Variants in LIPH observed in about 807,000 individuals in gnomAD.
LIPH encodes the protein lipase member H.
Under a neutral mutation model 47.6 loss-of-function variants are expected in LIPH, and 32 were observed. That is an observed-to-expected ratio of 0.67 (90% CI 0.51 to 0.90). The LOEUF (loss-of-function observed/expected upper bound fraction) is 0.90. LIPH is among the 40% of genes least tolerant of loss of function. LIPH has a pLI of 0.00. For synonymous variants in LIPH, 190 were observed against 195.6 expected, an observed-to-expected ratio of 0.97 and a Z score of 0.24; for missense variants, 497 against 541.4, an observed-to-expected ratio of 0.92 and a Z score of 0.81.
At chr3:185,533,817 T>C (rs1720415739) in intron 2 of LIPH, 138 bp from the exon 3 acceptor site, 1 of 646,944 alleles carries the variant, frequency 1.5e-6, no homozygotes, top group Non-Finnish European at 2.8e-6. Context: ...AGTCACAACA[T>C]CCATGCAAAG....
In LIPH at chr3:185,541,390, CTTTCT is replaced by C. The variant is rs1309451946; in HGVS notation, c.50-6263_50-6259del. On this transcript the variant is annotated intron_variant, in intron 1 of 9. Coordinates refer to ENST00000296252, the MANE Select transcript of LIPH (RefSeq NM_139248.3). The stretch of plus-strand genomic sequence containing the variant: ...CGATTCTCATTATTTCTGGATCTTT[CTTTCT>C]TTTTTTTTTTTTTTTTGATTGTTTG... Among the ~76,000 whole-genome samples the C allele has an allele frequency of 9.6e-5, 12 of 125,180 alleles. No individual in the cohort carries two copies. The East Asian group carries it at 1.6e-3, about 17-fold the overall frequency. 82.1% of individuals were successfully genotyped at this position (125,180 alleles called of 152,430 possible).
chr3:185,533,275 C>T (rs772984767), intron 3 of LIPH, among the ~76,000 whole-genome samples: 4 of 152,194 alleles, frequency 2.6e-5, no homozygotes, highest in South Asian at 2.1e-4. Context: ...TAACTGTTTG[C>T]GGCACACAGA....
chr3:185,544,768 T>A (rs1303893742), intron 1 of LIPH, among the ~76,000 whole-genome samples: 1 of 152,198 alleles, frequency 6.6e-6, no homozygotes, highest in African/African-American at 2.4e-5. Context: ...ATAATTCATC[T>A]GTTCCACCCG....
intron 4 of LIPH, among the ~76,000 whole-genome samples, chr3:185,524,948 A>G (rs1220111854): frequency 3.3e-5 from 5 of 152,198 alleles, no homozygotes; most frequent in Non-Finnish European, 7.3e-5. Flanking sequence ...AAATGTATAT[A>G]TAGGTCGGGT....
intron 1 of LIPH, among the ~76,000 whole-genome samples, chr3:185,547,812 C>G (rs965216169): frequency 1.5e-5 from 2 of 135,966 alleles, no homozygotes; most frequent in Non-Finnish European, 3.1e-5. Context: ...GCAACAAGAG[C>G]AAAACTCCAT....
chr3:185,522,756 C>T (rs1172305280), intron 5 of LIPH, among the ~76,000 whole-genome samples: 2 of 152,136 alleles, frequency 1.3e-5, no homozygotes, highest in Admixed American at 6.6e-5. Context: ...TCTAACTCCC[C>T]ATTTATGTTT....
At chr3:185,512,101 G>T (rs1459459151) in intron 8 of LIPH, among the ~76,000 whole-genome samples, 1 of 152,130 alleles carries the variant, frequency 6.6e-6, no homozygotes, top group African/African-American at 2.4e-5. Flanking sequence ...TGCTTACAGA[G>T]ATCAAGCTCC....
intron 1 of LIPH, among the ~76,000 whole-genome samples, chr3:185,544,551 C>T (rs1174203978): frequency 2.0e-5 from 3 of 151,938 alleles, no homozygotes; most frequent in Non-Finnish European, 2.9e-5. Flanking sequence ...TATGGCTTTT[C>T]GCCATGTTGG....
intron 1 of LIPH, among the ~76,000 whole-genome samples, chr3:185,535,520 T>C (rs1720478223): frequency 6.6e-6 from 1 of 151,470 alleles, no homozygotes; most frequent in South Asian, 2.1e-4. Context: ...CCTCAAGTGA[T>C]CCACTCACCT....
At chr3:185,548,178 G>A (rs1248078021) in intron 1 of LIPH, among the ~76,000 whole-genome samples, 2 of 151,762 alleles carry the variant, frequency 1.3e-5, no homozygotes, top group African/African-American at 2.4e-5. Context: ...AGGCCGAGGC[G>A]GGCGAATCAC....
rs2148954882 is a variant in LIPH, at chr3:185,527,566, A to G, written c.546T>C (p.Pro182=). 3 of 1,611,958 alleles carry G rather than the reference A, an allele frequency of 1.9e-6. No homozygotes were observed. Among genetic ancestry groups the G allele is most frequent in the Non-Finnish European group, 2.5e-6 (3 of 1,179,136 alleles). Residue 182 remains proline, a synonymous_variant, in exon 4 of 10, where the codon CCT becomes CCC. Coordinates refer to ENST00000296252, the MANE Select transcript of LIPH (RefSeq NM_139248.3). ...CTTGGTGAGGTTTCCCGTTGAATAA[A>G]GGGCCTGCAGGGTCGAGGCCTGGAA... ...GRITGLDPAG[P]LFNGKPHQDR...
intron 1 of LIPH, among the ~76,000 whole-genome samples, chr3:185,544,415 G>A (rs528862928): frequency 5.1e-4 from 77 of 151,566 alleles, no homozygotes; most frequent in African/African-American, 1.8e-3. Context: ...GTGCAATGGT[G>A]TGATCTCCGC....
intron 1 of LIPH, among the ~76,000 whole-genome samples, chr3:185,538,365 TA>T (rs1720565019): frequency 6.6e-6 from 1 of 152,146 alleles, no homozygotes; most frequent in African/African-American, 2.4e-5. Context: ...CAAATAAGTA[TA>T]AAACTGCTAC....
intron 5 of LIPH, among the ~76,000 whole-genome samples, chr3:185,522,042 C>T (rs1400571155): frequency 6.6e-6 from 1 of 152,224 alleles, no homozygotes; most frequent in African/African-American, 2.4e-5. Context: ...ACACTATCGA[C>T]AGCCAGGAAT....
At chr3:185,520,872 C>T (rs1384759268) in intron 5 of LIPH, among the ~76,000 whole-genome samples, 2 of 141,058 alleles carry the variant, frequency 1.4e-5, no homozygotes, top group African/African-American at 2.6e-5. Context: ...TAGCTTCTAT[C>T]TTTTTTTTTT....
At chr3:185,516,113 G>A (rs1719722896) in intron 7 of LIPH, among the ~76,000 whole-genome samples, 1 of 152,098 alleles carries the variant, frequency 6.6e-6, no homozygotes, top group African/African-American at 2.4e-5. Context: ...CAGCCTGGGT[G>A]ACAGAACAAG....
At chr3:185,511,970 G>A (rs923757500) in intron 8 of LIPH, among the ~76,000 whole-genome samples, 2 of 152,100 alleles carry the variant, frequency 1.3e-5, no homozygotes, top group Non-Finnish European at 2.9e-5. Context: ...AGAGAGGCAC[G>A]ATGCTAATGA....
intron 5 of LIPH, among the ~76,000 whole-genome samples, chr3:185,520,995 G>C (rs56191117): frequency 1.3e-5 from 2 of 150,738 alleles, no homozygotes; most frequent in African/African-American, 4.9e-5. Flanking sequence ...TCAGCCTCCC[G>C]AGTAGGTGAG....
intron 5 of LIPH, among the ~76,000 whole-genome samples, chr3:185,520,054 G>A (rs774257624): frequency 5.9e-5 from 9 of 151,982 alleles, no homozygotes; most frequent in South Asian, 4.2e-4. Context: ...TCTTCCATGC[G>A]GTCCTGAAGC....
Sources: gnomAD v4.1 joint callset for allele counts (sites outside exome capture counted in the v4.1 genomes callset) on GRCh38, gnomAD v4.1.1 for gene constraint, MANE v1.5 for transcripts, NCBI Gene and HGNC (gene_info 2026-07-23, HGNC 2026-07-21) for gene names.